HEBP2: variants seen among roughly 807,000 people sequenced by gnomAD.
HEBP2 encodes the protein heme binding protein 2, also known as heme-binding protein 2.
HEBP2 carries 27 observed loss-of-function variants against 23.1 expected under a neutral mutation model. The ratio of observed to expected loss-of-function variants is 1.17; its 90% CI spans 0.86 to 1.61. The LOEUF is 1.61. HEBP2 is among the 40% of genes most tolerant of loss of function. The pLI, the probability that HEBP2 is intolerant of heterozygous loss-of-function variation, is 0.00. For missense variants in HEBP2, 245 were observed against 253.8 expected, an observed-to-expected ratio of 0.97 and a Z score of 0.24; for synonymous variants, 99 against 95.1, an observed-to-expected ratio of 1.04 and a Z score of -0.24.
At position 138,419,492 on chromosome 6, in the gene HEBP2, T is replaced by A. The variant is rs916412624; in HGVS notation, c.*6414T>A. On this transcript the variant is annotated 3_prime_UTR_variant, in exon 4 of 4. Coordinates refer to ENST00000607197, the MANE Select transcript of HEBP2 (RefSeq NM_014320.3). ...ATTTGCTGAATACGTGATCTATACATGTTAACACCCAATCAGGGAGAGTTC... is the reference window on the plus strand; with the variant it reads ...ATTTGCTGAATACGTGATCTATACAAGTTAACACCCAATCAGGGAGAGTTC... 1.3e-5 allele frequency: 2 copies of A among 152,168 alleles called. No individual in the cohort carries two copies. Among genetic ancestry groups the A allele is most frequent in the African/African-American group, 4.8e-5 (2 of 41,416 alleles). 9.4% of individuals were successfully genotyped at this position (152,168 alleles called of 1,614,324 possible). A position where few individuals can be genotyped will look rare whatever the true frequency, so the allele number is the denominator to read the frequency against.
chr6:138,412,976 G>C lies in HEBP2; in HGVS notation c.516G>C (p.Lys172Asn). The C allele has an allele frequency of 6.2e-7, 1 of 1,614,002 alleles. No individual in the cohort carries two copies. The highest frequency in any genetic ancestry group is 8.5e-7 in the Non-Finnish European group (1 of 1,179,934). Residue 172 changes from lysine to asparagine, a missense_variant, in exon 4 of 4, where the codon AAG becomes AAC. Physicochemically the swap from Lys to Asn is moderately conservative, Grantham distance 94. Coordinates refer to ENST00000607197, the MANE Select transcript of HEBP2 (RefSeq NM_014320.3). ...LREDGKVFDE[K>N]VYYTAGYNSP... ...AAGATGGAAAAGTTTTCGATGAGAA[G>C]GTTTACTACACTGCAGGCTACAACA...
rs1245128049 is a variant in HEBP2 at position 138,413,102 on chromosome 6, G to C, written c.*24G>C. 1 of 1,580,416 alleles carries C rather than the reference G, an allele frequency of 6.3e-7. No individual in the cohort carries two copies. Among genetic ancestry groups the C allele is most frequent in the Non-Finnish European group, 8.7e-7 (1 of 1,151,078 alleles). On this transcript the variant is annotated 3_prime_UTR_variant, in exon 4 of 4. Coordinates refer to ENST00000607197, the MANE Select transcript of HEBP2 (RefSeq NM_014320.3). Reference sequence around the variant, plus strand: ...GAGAAAAATGAAAGGAAGTTCTGCTGTCAGAGGCAAAACATCTGTTTATCA... The same window carrying C: ...GAGAAAAATGAAAGGAAGTTCTGCTCTCAGAGGCAAAACATCTGTTTATCA...
rs1428576728 is a variant in HEBP2, at chr6:138,422,106, G to T, written c.*9028G>T. 7 of 152,248 alleles carry T rather than the reference G, an allele frequency of 4.6e-5. No individual in the cohort carries two copies. In the East Asian group the frequency reaches 1.3e-3, roughly 29 times the overall value. 9.4% of individuals were successfully genotyped at this position (152,248 alleles called of 1,614,324 possible). ...CAAATGTATATTTTTCATTAAAAAT[G>T]GGGATTTAAAAATAGTTTTATAATT... On this transcript the variant is annotated 3_prime_UTR_variant, in exon 4 of 4. Coordinates refer to ENST00000607197, the MANE Select transcript of HEBP2 (RefSeq NM_014320.3).
chr6:138,405,335 T>A, intron 2 of HEBP2, 55 bp downstream of exon 2: 1 of 1,593,480 alleles, frequency 6.3e-7, no homozygotes, highest in Non-Finnish European at 8.6e-7. Flanking sequence ...CCCGGGCTTA[T>A]TATTGAGTTT....
In HEBP2 at chr6:138,413,092, A is replaced by C; in HGVS notation, c.*14A>C. The stretch of plus-strand genomic sequence containing the variant: ...GAAAACGAATGAGAAAAATGAAAGG[A>C]AGTTCTGCTGTCAGAGGCAAAACAT... On this transcript the variant is annotated 3_prime_UTR_variant, in exon 4 of 4. Coordinates refer to ENST00000607197, the MANE Select transcript of HEBP2 (RefSeq NM_014320.3). 6.2e-7 allele frequency: 1 copy of C among 1,605,900 alleles called. No individual in the cohort carries two copies. The highest frequency in any genetic ancestry group is 2.2e-5 in the East Asian group (1 of 44,814).
In HEBP2 at chr6:138,416,046, A is replaced by T. The variant is rs1045523410; in HGVS notation, c.*2968A>T. ...TAACTGATTGCGGCTGAGGGGTCTG[A>T]TGAGGGAGAAATGGGATCTATGCCA... On this transcript the variant is annotated 3_prime_UTR_variant, in exon 4 of 4. Transcript: ENST00000607197. 1 of 152,332 alleles carries T rather than the reference A, an allele frequency of 6.6e-6. No homozygotes were observed. The highest frequency in any genetic ancestry group is 2.4e-5 in the African/African-American group (1 of 41,440). The allele number at this position is 152,332 out of a possible 1,614,324, so 9.4% of individuals were successfully genotyped here.
At chr6:138,409,499 C>A (rs146306519) in intron 3 of HEBP2, among the ~76,000 whole-genome samples, 1 of 152,174 alleles carries the variant, frequency 6.6e-6, no homozygotes, top group Admixed American at 6.5e-5. Flanking sequence ...CTTTGTGTAC[C>A]CCAGTTCTTG....
Position 138,412,933 on chromosome 6 carries a change from T to G in HEBP2, c.473T>G (p.Leu158Ter). Residue 158 changes from leucine to a stop codon, truncating the protein, a stop_gained, in exon 4 of 4, where the codon TTA (leucine) becomes TGA (stop). Coordinates refer to ENST00000607197, the MANE Select transcript of HEBP2 (RefSeq NM_014320.3). LOFTEE classifies it high-confidence loss of function. ...AAGAATCAAGAACAACTTTTGACATTAGCAAGCATTTTAAGGGAAGATGGA... is the reference window on the plus strand; with the variant it reads ...AAGAATCAAGAACAACTTTTGACATGAGCAAGCATTTTAAGGGAAGATGGA... Reference protein sequence around the residue: ...AQKNQEQLLTLASILREDGKV... With the variant: ...AQKNQEQLLT 6.2e-7 allele frequency: 1 copy of G among 1,614,156 alleles called. No homozygotes were observed. The highest frequency in any genetic ancestry group is 8.5e-7 in the Non-Finnish European group (1 of 1,180,006).
Position 138,405,156 on chromosome 6 carries a change from T to A in HEBP2, c.114T>A (p.Tyr38Ter), listed in dbSNP as rs1403742525. 6.2e-7 allele frequency: 1 copy of A among 1,611,166 alleles called. No homozygotes were observed. Among genetic ancestry groups the A allele is most frequent in the East Asian group, 2.2e-5 (1 of 44,848 alleles). Residue 38 changes from tyrosine (Y) to a stop codon, truncating the protein, a stop_gained, in exon 2 of 4, where the codon TAT becomes TAA. Transcript: ENST00000607197. LOFTEE classifies it high-confidence loss of function. Reference sequence around the variant, plus strand: ...CTGTTCCACTTTAGCCCGGAAGTTATGAGATCCGACACTATGGACCAGCCA... The same window carrying A: ...CTGTTCCACTTTAGCCCGGAAGTTAAGAGATCCGACACTATGGACCAGCCA... ...PEDAGPQPGSYEIRHYGPAKW... is the reference protein window; with the variant it reads ...PEDAGPQPGS
rs1774903781 is a variant in HEBP2 at position 138,420,463 on chromosome 6, TCAAGA to T, written c.*7391_*7395del. The T allele has an allele frequency of 6.6e-6, 1 of 152,142 alleles. No homozygotes were observed. 9.4% of individuals were successfully genotyped at this position (152,142 alleles called of 1,614,324 possible). On this transcript the variant is annotated 3_prime_UTR_variant, in exon 4 of 4. Transcript: ENST00000607197. ...AGAGCGGTGCCACTTAGATCCCCCT[TCAAGA>T]CAAGATATGCCATCCAGCTGCAAGG...
chr6:138,403,698 G>C (rs1279756053), upstream of HEBP2: 10 of 413,800 alleles, frequency 2.4e-5, no homozygotes, highest in Admixed American at 4.4e-5. Flanking sequence ...GGAAAGCCCT[G>C]GTAACCAAAA....
Position 138,404,340 on chromosome 6 carries a change from C to G in HEBP2, c.-156C>G, listed in dbSNP as rs532607579. ...CCTCGCGGTCCAGAGGCAGACGCAT[C>G]GGGTGGGCTCGGGTCTCCAGCCCGG... On this transcript the variant is annotated 5_prime_UTR_variant, in exon 1 of 4. It adds an upstream start codon to the 5' untranslated region. Coordinates refer to ENST00000607197, the MANE Select transcript of HEBP2 (RefSeq NM_014320.3). 2.5e-6 allele frequency: 1 copy of G among 398,066 alleles called. No homozygotes were observed. Among genetic ancestry groups the G allele is most frequent in the Non-Finnish European group, 4.2e-6 (1 of 240,258 alleles). The allele number at this position is 398,066 out of a possible 1,614,324, so 24.7% of individuals were successfully genotyped here.
Position 138,405,989 on chromosome 6 carries a change from C to G in HEBP2, c.257C>G (p.Thr86Arg). 6.2e-7 allele frequency: 1 copy of G among 1,612,052 alleles called. No homozygotes were observed. Among genetic ancestry groups the G allele is most frequent in the Non-Finnish European group, 8.5e-7 (1 of 1,179,296 alleles). ...KNEKEMKIKM[T>R]APVTSYVEPG... ...GTCACAGAGATGAAAATAAAGATGA[C>G]AGCTCCAGTGACAAGCTACGTGGAG... The change falls in exon 3 of 4, where the codon ACA becomes AGA. Residue 86 changes from threonine to arginine, a missense_variant. Physicochemically the swap from Thr to Arg is moderately conservative, Grantham distance 71. Coordinates refer to ENST00000607197, the MANE Select transcript of HEBP2 (RefSeq NM_014320.3).
chr6:138,403,534 CG>C, upstream of HEBP2: 1 of 480,696 alleles, frequency 2.1e-6, no homozygotes, highest in South Asian at 3.8e-5. Context: ...CACGTCGCCC[CG>C]GAGAGCCTCG....
In HEBP2 at chr6:138,406,107, A is replaced by T. The variant is rs201623392; in HGVS notation, c.375A>T (p.Ser125=). The T allele has an allele frequency of 8.9e-5, 144 of 1,614,016 alleles. No individual in the cohort carries two copies. The highest frequency in any genetic ancestry group is 5.5e-5 in the Non-Finnish European group (65 of 1,180,028). ...TTGATCCACCCAGGCCTTTAGAGTC[A>T]GATGTCTTCATTGAAGATAGAGCCG... ...QQFDPPRPLE[S]DVFIEDRAEM... The change falls in exon 3 of 4, where the codon TCA becomes TCT. Residue 125 remains serine, a synonymous_variant. Coordinates refer to ENST00000607197, the MANE Select transcript of HEBP2 (RefSeq NM_014320.3).
Position 138,405,338 on chromosome 6 carries a change from T to C in HEBP2, c.238+58T>C, listed in dbSNP as rs117075060. On this transcript the variant is annotated intron_variant, in intron 2 of 3. Coordinates refer to ENST00000607197, the MANE Select transcript of HEBP2 (RefSeq NM_014320.3). ...TGTGAAAGAGTCCCCGGGCTTATTATTGAGTTTTAGCTTATTAAAGAAATA... is the reference window on the plus strand; with the variant it reads ...TGTGAAAGAGTCCCCGGGCTTATTACTGAGTTTTAGCTTATTAAAGAAATA... 1,528 of 1,593,964 alleles carry C rather than the reference T, an allele frequency of 9.6e-4. 34 individuals are homozygous for C. The East Asian group carries it at 0.028, about 29-fold the overall frequency.
At position 138,418,383 on chromosome 6, in the gene HEBP2, T is replaced by C. The variant is rs1003512995; in HGVS notation, c.*5305T>C. On this transcript the variant is annotated 3_prime_UTR_variant, in exon 4 of 4. Coordinates refer to ENST00000607197, the MANE Select transcript of HEBP2 (RefSeq NM_014320.3). ...AGGTGGTTCTAACCACAGGAGAGGA[T>C]CATATGCTTTTTGAAAAACAGCCTC... 9.2e-5 allele frequency: 14 copies of C among 152,228 alleles called. No homozygotes were observed. Among genetic ancestry groups the C allele is most frequent in the African/African-American group, 2.9e-4 (12 of 41,440 alleles). 9.4% of individuals were successfully genotyped at this position (152,228 alleles called of 1,614,324 possible).
At position 138,406,022 on chromosome 6, in the gene HEBP2, C is replaced by T; in HGVS notation, c.290C>T (p.Ser97Leu). 1 of 1,614,148 alleles carries T rather than the reference C, an allele frequency of 6.2e-7. No individual in the cohort carries two copies. Among genetic ancestry groups the T allele is most frequent in the Middle Eastern group, 1.6e-4 (1 of 6,062 alleles). Reference sequence around the variant, plus strand: ...GTGACAAGCTACGTGGAGCCTGGTTCAGGTCCTTTTAGTGAGTCTACCATT... The same window carrying T: ...GTGACAAGCTACGTGGAGCCTGGTTTAGGTCCTTTTAGTGAGTCTACCATT... ...APVTSYVEPG[S>L]GPFSESTITI... The change falls in exon 3 of 4, where the codon TCA becomes TTA. Residue 97 changes from serine (S) to leucine (L), a missense_variant. Physicochemically the swap from Ser to Leu is moderately radical, Grantham distance 145. Coordinates refer to ENST00000607197, the MANE Select transcript of HEBP2 (RefSeq NM_014320.3).
chr6:138,412,238 A>T (rs1280879167), intron 3 of HEBP2: 1 of 343,092 alleles, frequency 2.9e-6, no homozygotes, highest in Non-Finnish European at 5.7e-6. Flanking sequence ...CTGAATCTGC[A>T]TCGTAGCAAA....
Sources: gnomAD v4.1 joint callset for allele counts (sites outside exome capture counted in the v4.1 genomes callset) on GRCh38, gnomAD v4.1.1 for gene constraint, MANE v1.5 for transcripts, NCBI Gene and HGNC (gene_info 2026-07-23, HGNC 2026-07-21) for gene names.